The following MMS22L variants were observed in gnomAD, a reference collection of about 807,000 sequenced individuals.
The protein encoded by MMS22L is MMS22 like, DNA repair protein.
MMS22L carries 74 observed loss-of-function variants against 159.1 expected under a neutral mutation model. The ratio of observed to expected loss-of-function variants is 0.47; its 90% CI spans 0.39 to 0.56. The LOEUF (loss-of-function observed/expected upper bound fraction) is 0.56, where lower values mean the gene tolerates loss of function less well. Ranked by LOEUF, MMS22L falls within the 20% of genes least tolerant of loss-of-function variation. The pLI is 0.00. For synonymous variants in MMS22L, 517 were observed against 506.9 expected (o/e 1.02, Z -0.27); for missense variants, 1,351 against 1,422.1 (o/e 0.95, Z 0.80).
intron 11 of MMS22L, among the ~76,000 whole-genome samples, chr6:97,244,879 T>C (rs987012039): frequency 6.0e-5 from 9 of 150,746 alleles, no homozygotes; most frequent in African/African-American, 2.0e-4. Context: ...CACTGTGGAG[T>C]GGGTATGGGC....
chr6:97,221,673 C>T (rs1046945039), intron 14 of MMS22L, among the ~76,000 whole-genome samples: 4 of 151,750 alleles, frequency 2.6e-5, no homozygotes, highest in South Asian at 2.1e-4. Context: ...TCTGAAGGAA[C>T]GAAAAAAGGC....
chr6:97,160,905 A>G (rs958527352), intron 22 of MMS22L, among the ~76,000 whole-genome samples: 27 of 151,886 alleles, frequency 1.8e-4, no homozygotes, highest in African/African-American at 6.5e-4. Context: ...GAAATTTTCA[A>G]CTCAGCAAAA....
At chr6:97,153,395 G>C (rs529232455) in intron 22 of MMS22L, among the ~76,000 whole-genome samples, 2 of 121,138 alleles carry the variant, frequency 1.7e-5, no homozygotes, top group Admixed American at 9.4e-5. Flanking sequence ...TTTTTGAGAC[G>C]GACTCTCCCT....
chr6:97,263,784 C>A lies in MMS22L; in HGVS notation c.829-336G>T, dbSNP rs191343149. ...AGTGCAGTGGAGCGATCTTGGCTCA[C>A]TGCAAGCTCCGCCTCCCAGGTTCAC... On this transcript the variant is annotated intron_variant, in intron 8 of 24. Transcript: ENST00000683635. The A allele has an allele frequency of 6.1e-3, 963 of 157,448 alleles. 11 individuals are homozygous for A. Among genetic ancestry groups the A allele is most frequent in the African/African-American group, 0.021 (891 of 41,496 alleles). The allele number at this position is 157,448 out of a possible 1,614,324, so 9.8% of individuals were successfully genotyped here.
intron 14 of MMS22L, among the ~76,000 whole-genome samples, chr6:97,217,267 C>T (rs544570339): frequency 1.4e-4 from 22 of 151,762 alleles, no homozygotes; most frequent in South Asian, 1.0e-3. Context: ...TTTTTTGAGG[C>T]GGAGTTTCAC....
intron 14 of MMS22L, among the ~76,000 whole-genome samples, chr6:97,227,472 A>C (rs1810389391): frequency 6.6e-6 from 1 of 152,186 alleles, no homozygotes. Flanking sequence ...GAAACATAAA[A>C]ATTTCTAATT....
chr6:97,223,195 C>T (rs989293103), intron 14 of MMS22L, among the ~76,000 whole-genome samples: 3 of 152,028 alleles, frequency 2.0e-5, no homozygotes, highest in African/African-American at 7.2e-5. Context: ...ATCATAGATC[C>T]TTCCTACCTA....
In MMS22L at chr6:97,282,529, C is replaced by T. The variant is rs554121848; in HGVS notation, c.-52G>A. 2 of 969,844 alleles carry T rather than the reference C, an allele frequency of 2.1e-6. No homozygotes were observed. Among genetic ancestry groups the T allele is most frequent in the African/African-American group, 2.1e-5 (1 of 47,716 alleles). The allele number at this position is 969,844 out of a possible 1,614,324, so 60.1% of individuals were successfully genotyped here. ...GGGGTTCGTCGTATCATTAAGGGCT[C>T]CAAAGAGAAGGTGTGAAGAGATTCC... On this transcript the variant is annotated 5_prime_UTR_variant, in exon 2 of 25. Transcript: ENST00000683635.
At chr6:97,159,255 T>C (rs929020997) in intron 22 of MMS22L, among the ~76,000 whole-genome samples, 3 of 152,018 alleles carry the variant, frequency 2.0e-5, no homozygotes, top group African/African-American at 7.2e-5. Context: ...CTTTATCCAA[T>C]TTGCCAGCCT....
At chr6:97,230,113 T>C (rs1344589493) in intron 13 of MMS22L, among the ~76,000 whole-genome samples, 1 of 152,198 alleles carries the variant, frequency 6.6e-6, no homozygotes, top group Non-Finnish European at 1.5e-5. Context: ...TTTTGTTTTT[T>C]TGAGACGGAG....
chr6:97,142,973 TA>T lies in MMS22L; in HGVS notation c.*3832del, dbSNP rs1321007832. The T allele has an allele frequency of 2.6e-5, 4 of 152,556 alleles. No homozygotes were observed. The highest frequency in any genetic ancestry group is 5.9e-5 in the Non-Finnish European group (4 of 67,994). 9.5% of individuals were successfully genotyped at this position (152,556 alleles called of 1,614,324 possible). A position where few individuals can be genotyped will look rare whatever the true frequency, so the allele number is the denominator to read the frequency against. On this transcript the variant is annotated 3_prime_UTR_variant, in exon 25 of 25. Coordinates refer to ENST00000683635, the MANE Select transcript of MMS22L (RefSeq NM_001350599.2). ...AACATACGAAGGATAGGTAAAGATA[TA>T]CAAGTTTTAAACTATGAAATTCCTC...
intron 12 of MMS22L, among the ~76,000 whole-genome samples, chr6:97,232,995 T>C (rs1441917585): frequency 6.6e-6 from 1 of 151,906 alleles, no homozygotes; most frequent in African/African-American, 2.4e-5. Context: ...TTCTCAGCCA[T>C]AGTATCATTT....
intron 18 of MMS22L, among the ~76,000 whole-genome samples, chr6:97,173,656 A>C (rs1302259665): frequency 1.3e-5 from 2 of 152,180 alleles, no homozygotes; most frequent in Non-Finnish European, 2.9e-5. Context: ...AATTTTTACA[A>C]GCAAAACCTC....
At chr6:97,177,419 T>G (rs985286178) in intron 18 of MMS22L, among the ~76,000 whole-genome samples, 2 of 152,114 alleles carry the variant, frequency 1.3e-5, no homozygotes, top group Non-Finnish European at 2.9e-5. Context: ...CTTCTTTTGA[T>G]TTTTCAAATC....
intron 14 of MMS22L, among the ~76,000 whole-genome samples, chr6:97,227,697 T>C (rs1810406704): frequency 6.6e-6 from 1 of 152,234 alleles, no homozygotes; most frequent in Non-Finnish European, 1.5e-5. Flanking sequence ...GATGCAACAT[T>C]TGTAATATGA....
chr6:97,255,010 T>C (rs1236281296), intron 9 of MMS22L, among the ~76,000 whole-genome samples: 2 of 152,112 alleles, frequency 1.3e-5, no homozygotes, highest in Non-Finnish European at 2.9e-5. Flanking sequence ...GCCACACAGG[T>C]ATACCAGCCT....
intron 7 of MMS22L, 125 bp downstream of exon 7, chr6:97,269,777 C>G: frequency 1.5e-6 from 1 of 652,948 alleles, no homozygotes; most frequent in Non-Finnish European, 2.5e-6. Flanking sequence ...AAAACTTTTA[C>G]TTCATACTTT....
At chr6:97,170,002 C>T (rs750651478) in intron 19 of MMS22L, among the ~76,000 whole-genome samples, 6 of 152,076 alleles carry the variant, frequency 3.9e-5, no homozygotes, top group African/African-American at 9.7e-5. Flanking sequence ...GAGAGAGACA[C>T]AAAGTTCACA....
Position 97,229,124 on chromosome 6 carries a change from T to C in MMS22L, c.1809A>G (p.Ala603=). 1 of 1,614,174 alleles carries C rather than the reference T, an allele frequency of 6.2e-7. No individual in the cohort carries two copies. Among genetic ancestry groups the C allele is most frequent in the Admixed American group, 1.7e-5 (1 of 60,018 alleles). ...CATTCTTAGACACCAAGAATTCCTT[T>C]GCTTTCTCCCGGAAAGCACATGAAA... ...EKFSCAFREK[A]KEFLVSKNEE... The change falls in exon 14 of 25, where the codon GCA becomes GCG. Residue 603 remains alanine (A), a synonymous_variant. Coordinates refer to ENST00000683635, the MANE Select transcript of MMS22L (RefSeq NM_001350599.2).
Sources: allele counts gnomAD v4.1 joint callset (sites outside exome capture counted in the v4.1 genomes callset), GRCh38; gene constraint gnomAD v4.1.1; transcripts MANE v1.5; gene names NCBI Gene and HGNC (gene_info 2026-07-23, HGNC 2026-07-21).